Variants in CUL1 observed in about 807,000 individuals in gnomAD.
The protein encoded by CUL1 is cullin 1.
A neutral mutation model predicts 118.0 loss-of-function variants in CUL1; 24 were observed. The observed-to-expected ratio is 0.20, with a 90% CI of 0.15 to 0.29. The LOEUF (loss-of-function observed/expected upper bound fraction) is 0.29. Among genes scored for constraint, CUL1 ranks in the 10% least tolerant of loss-of-function variants. The pLI, the probability that CUL1 is intolerant of heterozygous loss-of-function variation, is 1.00. For missense variants in CUL1, 361 were observed against 933.8 expected (o/e 0.39, Z 7.99); for synonymous variants, 332 against 340.4 (o/e 0.98, Z 0.27).
chr7:148,782,194 G>A (rs1156876117), intron 9 of CUL1, among the ~76,000 whole-genome samples: 3 of 152,154 alleles, frequency 2.0e-5, no homozygotes, highest in African/African-American at 7.2e-5. Flanking sequence ...ATCTGAATTG[G>A]CAGAAGCAAT....
intron 2 of CUL1, among the ~76,000 whole-genome samples, chr7:148,741,586 G>T (rs554375101): frequency 6.6e-6 from 1 of 150,480 alleles, no homozygotes. Flanking sequence ...CCGCAGGTGT[G>T]CATCACCATG....
chr7:148,703,636 G>A (rs1447104035), intron 1 of CUL1, among the ~76,000 whole-genome samples: 2 of 151,804 alleles, frequency 1.3e-5, no homozygotes, highest in African/African-American at 4.8e-5. Flanking sequence ...GGGTTCAAGC[G>A]CTTCTCCTGC....
chr7:148,721,717 T>C (rs574187370), intron 1 of CUL1, among the ~76,000 whole-genome samples: 7 of 151,078 alleles, frequency 4.6e-5, no homozygotes, highest in African/African-American at 1.5e-4. Flanking sequence ...ATATATTCCT[T>C]TGTCACCTTT....
intron 11 of CUL1, 143 bp downstream of exon 11, chr7:148,784,220 C>A: frequency 1.5e-6 from 1 of 685,254 alleles, no homozygotes; most frequent in East Asian, 2.7e-5. Flanking sequence ...CATAATCGTC[C>A]TTGCCGTTGA....
At chr7:148,713,212 A>G (rs991515680) in intron 1 of CUL1, among the ~76,000 whole-genome samples, 1 of 152,234 alleles carries the variant, frequency 6.6e-6, no homozygotes. Flanking sequence ...AATCTAGACC[A>G]TTGAGTAAGC....
chr7:148,780,711 T>C (rs1488198673), intron 9 of CUL1, among the ~76,000 whole-genome samples: 1 of 152,248 alleles, frequency 6.6e-6, no homozygotes, highest in Non-Finnish European at 1.5e-5. Flanking sequence ...GAATGAGCCC[T>C]TAGGGACAAG....
Position 148,790,419 on chromosome 7 carries a change from T to A in CUL1, c.1784T>A (p.Phe595Tyr). Residue 595 changes from phenylalanine to tyrosine, a missense_variant, in exon 16 of 22, where the codon TTC becomes TAC. Physicochemically the swap from Phe to Tyr is conservative, Grantham distance 22 (BLOSUM62 3). Around this residue, in one of 7 missense-constraint regions of CUL1, gnomAD observed 84 missense variants for 203.3 expected, o/e 0.41. Transcript: ENST00000325222. The part of the protein sequence containing the change: ...LSKGELVTNC[F>Y]KNRYTLQAST... ...AAAGGAGAATTGGTAACTAACTGCTTCAAAAACAGATATACTTTGCAGGTA... is the reference window on the plus strand; with the variant it reads ...AAAGGAGAATTGGTAACTAACTGCTACAAAAACAGATATACTTTGCAGGTA... 2.5e-6 allele frequency: 4 copies of A among 1,613,956 alleles called. No homozygotes were observed. The highest frequency in any genetic ancestry group is 3.4e-6 in the Non-Finnish European group (4 of 1,179,802).
At chr7:148,751,677 A>T (rs1799497063) in intron 2 of CUL1, among the ~76,000 whole-genome samples, 1 of 152,068 alleles carries the variant, frequency 6.6e-6, no homozygotes, top group Non-Finnish European at 1.5e-5. Context: ...TGCCAAAAGG[A>T]CTATTAGCAA....
chr7:148,748,725 C>G (rs1028045147), intron 2 of CUL1, among the ~76,000 whole-genome samples: 20 of 152,162 alleles, frequency 1.3e-4, no homozygotes, highest in Non-Finnish European at 1.6e-4. Context: ...ATGGCCCCCC[C>G]GTTCTGGCCC....
intron 14 of CUL1, among the ~76,000 whole-genome samples, chr7:148,789,171 G>T (rs1025249948): frequency 1.3e-5 from 2 of 152,112 alleles, no homozygotes; most frequent in Non-Finnish European, 2.9e-5. Context: ...GATCATCTTT[G>T]TCTTTTTAAA....
intron 17 of CUL1, among the ~76,000 whole-genome samples, chr7:148,796,050 C>CT (rs1801188211): frequency 7.0e-6 from 1 of 143,878 alleles, no homozygotes; most frequent in South Asian, 2.2e-4. Context: ...TGTCTTGTTA[C>CT]TGCCCTTATT....
intron 1 of CUL1, among the ~76,000 whole-genome samples, chr7:148,700,101 G>A (rs544682302): frequency 6.6e-6 from 1 of 152,282 alleles, no homozygotes; most frequent in South Asian, 2.1e-4. Flanking sequence ...GTCACTCTTG[G>A]TTGCTTCTGG....
chr7:148,737,210 G>T (rs1798975200), intron 2 of CUL1, among the ~76,000 whole-genome samples: 1 of 151,398 alleles, frequency 6.6e-6, no homozygotes. Context: ...TTTTGGTGGG[G>T]TAGGCGGTTA....
At chr7:148,750,606 A>G (rs1449984341) in intron 2 of CUL1, among the ~76,000 whole-genome samples, 2 of 152,120 alleles carry the variant, frequency 1.3e-5, no homozygotes, top group Non-Finnish European at 2.9e-5. Flanking sequence ...AGCTTCATCC[A>G]TGTCCGTGGT....
intron 7 of CUL1, among the ~76,000 whole-genome samples, chr7:148,763,347 A>C (rs1482958043): frequency 2.0e-5 from 3 of 152,140 alleles, no homozygotes; most frequent in Non-Finnish European, 4.4e-5. Flanking sequence ...CACTTGGATC[A>C]CACCAAACAC....
chr7:148,701,167 C>G (rs1447474437), intron 1 of CUL1, among the ~76,000 whole-genome samples: 1 of 140,868 alleles, frequency 7.1e-6, no homozygotes, highest in Non-Finnish European at 1.6e-5. Context: ...AATGAGTTTT[C>G]TGGAATAATT....
chr7:148,784,808 A>G (rs957152860), intron 11 of CUL1, among the ~76,000 whole-genome samples: 1 of 152,226 alleles, frequency 6.6e-6, no homozygotes, highest in African/African-American at 2.4e-5. Flanking sequence ...GAAGGCTAGC[A>G]TAACCCCGAT....
At chr7:148,708,304 A>G (rs1797949880) in intron 1 of CUL1, among the ~76,000 whole-genome samples, 2 of 152,160 alleles carry the variant, frequency 1.3e-5, no homozygotes, top group Admixed American at 1.3e-4. Flanking sequence ...TTTGCTCCCT[A>G]GACCATATCC....
intron 3 of CUL1, among the ~76,000 whole-genome samples, chr7:148,754,778 G>C (rs1799603426): frequency 6.7e-6 from 1 of 148,236 alleles, no homozygotes; most frequent in African/African-American, 2.5e-5. Flanking sequence ...ACAGGGTCTT[G>C]TTCTGTCACC....
Sources: allele counts gnomAD v4.1 joint callset (sites outside exome capture counted in the v4.1 genomes callset), GRCh38; gene constraint gnomAD v4.1.1; regional missense constraint gnomAD v4.1.1; transcripts MANE v1.5; gene names NCBI Gene and HGNC (gene_info 2026-07-23, HGNC 2026-07-21).